TTC7B: variants seen among roughly 807,000 people sequenced by gnomAD.
The protein encoded by TTC7B is tetratricopeptide repeat domain 7B.
In TTC7B, 28 loss-of-function variants were observed where a neutral mutation model predicts 106.8. That is an observed-to-expected ratio of 0.26 (90% CI 0.19 to 0.36). TTC7B has a LOEUF of 0.36. TTC7B is among the 10% of genes least tolerant of loss of function. The pLI is 1.00. For synonymous variants in TTC7B, 405 were observed against 430.6 expected (o/e 0.94, Z 0.74); for missense variants, 862 against 1,076.4 (o/e 0.80, Z 2.79).
At chr14:90,806,211 ACATACAGCACCCCCACATTCT>A (rs2030594796) in intron 1 of TTC7B, among the ~76,000 whole-genome samples, 1 of 152,206 alleles carries the variant, frequency 6.6e-6, no homozygotes, top group Admixed American at 6.5e-5. Context: ...TCCCCGCTAC[ACATACAGCACCCCCACATTCT>A]GTGCTGGGCT....
intron 3 of TTC7B, among the ~76,000 whole-genome samples, chr14:90,770,042 C>T (rs980776030): frequency 9.2e-5 from 14 of 151,920 alleles, no homozygotes; most frequent in Admixed American, 1.3e-4. Context: ...TCCAGCTACT[C>T]GGGAGGCTGA....
At chr14:90,660,116 G>A (rs897024249) in intron 9 of TTC7B, among the ~76,000 whole-genome samples, 10 of 151,920 alleles carry the variant, frequency 6.6e-5, no homozygotes, top group African/African-American at 2.4e-4. Flanking sequence ...TGGGCGCAGT[G>A]GCTCACACCT....
At position 90,575,267 on chromosome 14, in the gene TTC7B, G is replaced by A. The variant is rs1014034851; in HGVS notation, c.2310+2839C>T. ...TAATCTGTCTGCATGTTGTATTGGCGCGGTTATCCTCATTTATATAGCTGA... is the reference window on the plus strand; with the variant it reads ...TAATCTGTCTGCATGTTGTATTGGCACGGTTATCCTCATTTATATAGCTGA... On this transcript the variant is annotated intron_variant, in intron 19 of 19. Coordinates refer to ENST00000328459, the MANE Select transcript of TTC7B (RefSeq NM_001010854.2). This position sits in a 1 kb window ranked among gnomAD's most constrained non-coding sequence, Gnocchi z 5.2. Among the ~76,000 whole-genome samples, 4 of 152,182 alleles carry A rather than the reference G, an allele frequency of 2.6e-5. No individual in the cohort carries two copies. The highest frequency in any genetic ancestry group is 2.1e-4 in the South Asian group (1 of 4,832).
intron 16 of TTC7B, among the ~76,000 whole-genome samples, chr14:90,614,136 G>C (rs1320253389): frequency 6.6e-6 from 1 of 152,196 alleles, no homozygotes; most frequent in Non-Finnish European, 1.5e-5. Context: ...GGGCAGATGA[G>C]AGAGGAACTT....
intron 9 of TTC7B, among the ~76,000 whole-genome samples, chr14:90,661,745 T>C (rs1019762018): frequency 1.3e-5 from 2 of 152,222 alleles, no homozygotes; most frequent in Admixed American, 6.5e-5. Context: ...AACATTTATA[T>C]GTTTAAATGG....
chr14:90,670,870 C>G (rs541865760), intron 9 of TTC7B, among the ~76,000 whole-genome samples: 1 of 152,184 alleles, frequency 6.6e-6, no homozygotes, highest in South Asian at 2.1e-4. Flanking sequence ...CCATTTTCCA[C>G]TCAATGACCT....
intron 2 of TTC7B, among the ~76,000 whole-genome samples, chr14:90,785,483 T>G (rs1891355033): frequency 6.7e-6 from 1 of 150,320 alleles, no homozygotes; most frequent in Non-Finnish European, 1.5e-5. Context: ...GCCAGGGGAG[T>G]GTGAGCCACC....
At chr14:90,690,890 C>A (rs1887443151) in intron 6 of TTC7B, among the ~76,000 whole-genome samples, 1 of 152,202 alleles carries the variant, frequency 6.6e-6, no homozygotes, top group Non-Finnish European at 1.5e-5. Context: ...TTTCTGATAA[C>A]CACTGGGTAA....
chr14:90,683,979 G>A (rs1243831020), intron 7 of TTC7B, among the ~76,000 whole-genome samples: 1 of 152,074 alleles, frequency 6.6e-6, no homozygotes, highest in African/African-American at 2.4e-5. Context: ...GGCCTGGCCA[G>A]TGCCTGGCTC....
chr14:90,775,733 A>G (rs1891006260), intron 3 of TTC7B, among the ~76,000 whole-genome samples: 1 of 152,098 alleles, frequency 6.6e-6, no homozygotes, highest in South Asian at 2.1e-4. Flanking sequence ...TCTCTGGCAC[A>G]GTCTCCCCTA....
At chr14:90,729,492 A>G (rs142967719) in intron 5 of TTC7B, among the ~76,000 whole-genome samples, 236 of 152,370 alleles carry the variant, frequency 1.5e-3, no homozygotes, top group Middle Eastern at 0.01. Flanking sequence ...GGATAACTGA[A>G]GAGATTTGGA....
chr14:90,582,275 A>G (rs908552286), intron 18 of TTC7B, among the ~76,000 whole-genome samples: 3 of 152,246 alleles, frequency 2.0e-5, no homozygotes, highest in African/African-American at 4.8e-5. Context: ...TGCAAGCCAC[A>G]GTGTCATGAG....
In TTC7B at chr14:90,643,235, C is replaced by T. The variant is rs897505349; in HGVS notation, c.1751+813G>A. Among the ~76,000 whole-genome samples the T allele has an allele frequency of 1.4e-4, 21 of 152,008 alleles. No homozygotes were observed. In the Middle Eastern group the frequency reaches 0.01, roughly 74 times the overall value. ...CAGCCTGACCAACATGGTGAAACCC[C>T]GTCTCTACTAAAAATACAAAAAATT... On this transcript the variant is annotated intron_variant, in intron 15 of 19. Transcript: ENST00000328459.
At chr14:90,681,907 G>C (rs1458859869) in intron 7 of TTC7B, among the ~76,000 whole-genome samples, 2 of 152,006 alleles carry the variant, frequency 1.3e-5, no homozygotes, top group Non-Finnish European at 2.9e-5. Context: ...GTGTGTGCAT[G>C]TACATGCACA....
At chr14:90,786,093 C>G (rs912793703) in intron 2 of TTC7B, 81 bp downstream of exon 2, 3 of 1,436,238 alleles carry the variant, frequency 2.1e-6, no homozygotes, top group African/African-American at 1.5e-5. Flanking sequence ...CTCCAAACGT[C>G]ACCCGGCTCA....
At chr14:90,699,460 T>G (rs1887898281) in intron 5 of TTC7B, 1 of 341,734 alleles carries the variant, frequency 2.9e-6, no homozygotes, top group Non-Finnish European at 5.7e-6. Context: ...CCAAATTATC[T>G]TCAGACCTCA....
chr14:90,542,154 T>C (rs978219047), intron 19 of TTC7B, among the ~76,000 whole-genome samples: 4 of 152,172 alleles, frequency 2.6e-5, no homozygotes, highest in Non-Finnish European at 4.4e-5. Flanking sequence ...TTAGCCAGGA[T>C]GGTCTCGATC....
intron 4 of TTC7B, among the ~76,000 whole-genome samples, chr14:90,734,536 T>G (rs1829292915): frequency 6.6e-6 from 1 of 152,092 alleles, no homozygotes. Context: ...CAACTCTGTT[T>G]CTATAGAAGA....
At chr14:90,650,526 A>G (rs942748) in intron 13 of TTC7B, among the ~76,000 whole-genome samples, 57,691 of 151,950 alleles carry the variant, frequency 0.38, 11,355 homozygotes, top group East Asian at 0.51. Flanking sequence ...ATCATACCAC[A>G]CTTAAACTCA....
Sources: allele counts gnomAD v4.1 joint callset (sites outside exome capture counted in the v4.1 genomes callset), GRCh38; gene constraint gnomAD v4.1.1; non-coding constraint Gnocchi (gnomAD v3.1); transcripts MANE v1.5; gene names NCBI Gene and HGNC (gene_info 2026-07-23, HGNC 2026-07-21).